Variants in CDKN2B-AS1 observed in about 807,000 individuals in gnomAD.
CDKN2B-AS1 encodes the protein CDKN2B antisense RNA 1 (non-protein coding).
chr9:22,076,202 G>A (rs1824485427), intron 4 of CDKN2B-AS1, among the ~76,000 whole-genome samples: 1 of 152,044 alleles, frequency 6.6e-6, no homozygotes, highest in Non-Finnish European at 1.5e-5. Flanking sequence ...ACAGGCACCT[G>A]CCACCATGCC....
chr9:22,015,597 A>T (rs1031931009), intron 1 of CDKN2B-AS1, among the ~76,000 whole-genome samples: 1 of 151,996 alleles, frequency 6.6e-6, no homozygotes, highest in Admixed American at 6.5e-5. Context: ...ATTCATTAAC[A>T]TGAATTTATT....
intron 1 of CDKN2B-AS1, among the ~76,000 whole-genome samples, chr9:22,037,993 A>C (rs1822755795): frequency 6.6e-6 from 1 of 152,072 alleles, no homozygotes; most frequent in Non-Finnish European, 1.5e-5. Context: ...AAGGTACTCA[A>C]AGCAGTCTTG....
In CDKN2B-AS1 at chr9:22,007,049, T is replaced by C. The variant is rs2285327; in HGVS notation, n.29+11888T>C. 9.1e-3 allele frequency among the ~76,000 whole-genome samples: 1,393 copies of C among 152,304 alleles called. 115 individuals carry two copies. In the East Asian group the frequency reaches 0.2, roughly 22 times the overall value. ...GCTAAGATTTAAAAATGTTAAACAG[T>C]AAATATTTTGCTATATAAAAAGAGC... On this transcript the variant is annotated intron_variant and non_coding_transcript_variant, in intron 1 of 4. Coordinates refer to ENST00000650946, the Ensembl canonical transcript of CDKN2B-AS1.
chr9:21,998,951 T>G (rs2131162645), intron 1 of CDKN2B-AS1, among the ~76,000 whole-genome samples: 1 of 152,264 alleles, frequency 6.6e-6, no homozygotes, highest in Non-Finnish European at 1.5e-5. Context: ...AATAAATACA[T>G]AATCCAGTAA....
intron 4 of CDKN2B-AS1, among the ~76,000 whole-genome samples, chr9:22,122,692 A>T (rs1448562247): frequency 2.6e-5 from 4 of 152,076 alleles, no homozygotes; most frequent in Non-Finnish European, 5.9e-5. Flanking sequence ...CTTTGTTAAA[A>T]ATCAGGTGGT....
intron 3 of CDKN2B-AS1, among the ~76,000 whole-genome samples, chr9:22,054,877 A>G (rs918606680): frequency 6.6e-6 from 1 of 151,304 alleles, no homozygotes; most frequent in African/African-American, 2.4e-5. Context: ...TCTGCCTCCC[A>G]AGGAGCTGGG....
Position 22,070,636 on chromosome 9 carries a change from A to G in CDKN2B-AS1, n.438+14249A>G, listed in dbSNP as rs557512733. ...CAAAGGCCAAGTGACATATGACAAC[A>G]TTGTACATGAAGGAAACTACCATCA... On this transcript the variant is annotated intron_variant and non_coding_transcript_variant, in intron 4 of 4. Transcript: ENST00000650946. Among the ~76,000 whole-genome samples, 5 of 152,288 alleles carry G rather than the reference A, an allele frequency of 3.3e-5. No individual in the cohort carries two copies. The East Asian group carries it at 9.6e-4, about 29-fold the overall frequency.
At chr9:22,125,573 C>G (rs1371295142) in intron 4 of CDKN2B-AS1, among the ~76,000 whole-genome samples, 2 of 152,150 alleles carry the variant, frequency 1.3e-5, no homozygotes, top group East Asian at 3.8e-4. Context: ...TATGCAGAAG[C>G]AGTCACATTT....
chr9:22,030,680 C>T (rs1238566636), intron 1 of CDKN2B-AS1: 1 of 151,772 alleles, frequency 6.6e-6, no homozygotes, highest in Non-Finnish European at 1.5e-5. Context: ...AGGTAAGTGA[C>T]TTTAGTCCTC....
rs953123717 is a variant in CDKN2B-AS1 at position 22,001,832 on chromosome 9, G to C, written n.29+6671G>C. 6.6e-6 allele frequency among the ~76,000 whole-genome samples: 1 copy of C among 152,046 alleles called. No homozygotes were observed. The highest frequency in any genetic ancestry group is 1.5e-5 in the Non-Finnish European group (1 of 67,934). On this transcript the variant is annotated intron_variant and non_coding_transcript_variant, in intron 1 of 4. Coordinates refer to ENST00000650946, the Ensembl canonical transcript of CDKN2B-AS1. This position sits in a 1 kb window ranked among gnomAD's most constrained non-coding sequence, Gnocchi z 4.2. ...AGTAGTAGAGATGTTACATGAGTTA[G>C]CACTCATATATTGAATTAGTTAAGG...
intron 4 of CDKN2B-AS1, among the ~76,000 whole-genome samples, chr9:22,122,108 G>A (rs1014813623): frequency 7.3e-5 from 11 of 151,024 alleles, no homozygotes; most frequent in Non-Finnish European, 1.5e-4. Flanking sequence ...ACTGGGGTGA[G>A]ATGATACCTC....
At chr9:22,092,408 C>T (rs1274462639) in intron 4 of CDKN2B-AS1, 2 of 152,150 alleles carry the variant, frequency 1.3e-5, no homozygotes, top group Admixed American at 6.5e-5. Context: ...GTACCAGCTC[C>T]TCTTTGTACC....
chr9:22,082,275 A>G (rs918492978), intron 4 of CDKN2B-AS1, among the ~76,000 whole-genome samples: 1 of 152,186 alleles, frequency 6.6e-6, no homozygotes, highest in Non-Finnish European at 1.5e-5. Flanking sequence ...TGACATTGTC[A>G]TCACCCTCAT....
At chr9:22,024,086 T>C (rs1280256170) in intron 1 of CDKN2B-AS1, among the ~76,000 whole-genome samples, 2 of 152,208 alleles carry the variant, frequency 1.3e-5, no homozygotes, top group East Asian at 3.9e-4. Context: ...CTACCTTCAA[T>C]CTTTGAGGTT....
intron 4 of CDKN2B-AS1, among the ~76,000 whole-genome samples, chr9:22,066,041 G>C (rs1420532703): frequency 6.6e-6 from 1 of 152,080 alleles, no homozygotes; most frequent in Non-Finnish European, 1.5e-5. Context: ...CTGGAAGGCT[G>C]ATTAACCTTA....
intron 4 of CDKN2B-AS1, among the ~76,000 whole-genome samples, chr9:22,084,891 A>G (rs1489445236): frequency 6.6e-6 from 1 of 152,194 alleles, no homozygotes; most frequent in African/African-American, 2.4e-5. Context: ...TACAGCTGAA[A>G]TTGTGGAATC....
intron 1 of CDKN2B-AS1, among the ~76,000 whole-genome samples, chr9:22,041,923 T>C (rs1176213733): frequency 3.9e-5 from 6 of 152,058 alleles, no homozygotes; most frequent in Non-Finnish European, 7.4e-5. Flanking sequence ...CTCTGTGTAA[T>C]TGGCCAAATT....
At chr9:22,062,992 T>TAC (rs1823886246) in intron 4 of CDKN2B-AS1, among the ~76,000 whole-genome samples, 4 of 39,418 alleles carry the variant, frequency 1.0e-4, no homozygotes, top group Admixed American at 9.4e-4. Flanking sequence ...CACACATATA[T>TAC]ATATATAGAG....
intron 1 of CDKN2B-AS1, among the ~76,000 whole-genome samples, chr9:22,017,944 G>A (rs975556348): frequency 1.4e-4 from 22 of 152,262 alleles, no homozygotes; most frequent in Admixed American, 5.2e-4. Flanking sequence ...GTTCTTAATG[G>A]ATCTAGTGTT....
Sources: gnomAD v4.1 joint callset for allele counts (sites outside exome capture counted in the v4.1 genomes callset) on GRCh38, gnomAD v4.1.1 for gene constraint, Gnocchi (gnomAD v3.1) non-coding constraint, MANE v1.5 for transcripts, NCBI Gene and HGNC (gene_info 2026-07-23, HGNC 2026-07-21) for gene names.